Variants in RNF212B observed in about 807,000 individuals in gnomAD.
RNF212B encodes E3 ubiquitin-protein ligase RNF212B.
RNF212B carries 52 observed loss-of-function variants against 55.5 expected under a neutral mutation model. The observed-to-expected ratio is 0.94, with a 90% CI of 0.75 to 1.18. RNF212B has a LOEUF of 1.18. Ranked by LOEUF, RNF212B falls within the 50% of genes most tolerant of loss-of-function variation. The pLI is 0.00. For missense variants in RNF212B, 289 were observed against 350.4 expected (o/e 0.82, Z 1.40); for synonymous variants, 99 against 121.4 (o/e 0.82, Z 1.21).
chr14:23,207,312 T>C (rs1879943999), intron 2 of RNF212B, among the ~76,000 whole-genome samples: 1 of 152,174 alleles, frequency 6.6e-6, no homozygotes, highest in Non-Finnish European at 1.5e-5. Context: ...GGTCTCAGGC[T>C]GTAGACTGCT....
chr14:23,227,024 A>G (rs1423566374), intron 2 of RNF212B, among the ~76,000 whole-genome samples: 1 of 151,962 alleles, frequency 6.6e-6, no homozygotes, highest in Non-Finnish European at 1.5e-5. Context: ...AAAAATGAGT[A>G]TAAGTAAGAC....
In RNF212B at chr14:23,240,541, A is replaced by G. The variant is rs1313418250; in HGVS notation, c.100+96A>G. 9 of 716,534 alleles carry G rather than the reference A, an allele frequency of 1.3e-5. No individual in the cohort carries two copies. The East Asian group carries it at 2.2e-4, about 17-fold the overall frequency. 44.4% of individuals were successfully genotyped at this position (716,534 alleles called of 1,614,324 possible). ...CTATGTGTGACTTAGGATAAAAATCACTTATTAGGTCAATGGTGATAAAGA... is the reference window on the plus strand; with the variant it reads ...CTATGTGTGACTTAGGATAAAAATCGCTTATTAGGTCAATGGTGATAAAGA... On this transcript the variant is annotated intron_variant, in intron 2 of 14. Coordinates refer to ENST00000430154, the MANE Select transcript of RNF212B (RefSeq NM_001282322.3).
intron 2 of RNF212B, among the ~76,000 whole-genome samples, chr14:23,202,112 G>A (rs1027058237): frequency 3.3e-5 from 5 of 151,960 alleles, no homozygotes; most frequent in African/African-American, 4.8e-5. Context: ...TTAGCCAAGC[G>A]TGGTGGTGTG....
chr14:23,226,792 T>C (rs1882068480), intron 2 of RNF212B, among the ~76,000 whole-genome samples: 1 of 136,146 alleles, frequency 7.3e-6, no homozygotes, highest in Admixed American at 8.0e-5. Context: ...TTTTTTTTCC[T>C]TTCCTTCTTT....
chr14:23,273,395 A>G lies in RNF212B; in HGVS notation c.*504A>G, dbSNP rs1886253237. 6.6e-6 allele frequency: 1 copy of G among 152,350 alleles called. No homozygotes were observed. Among genetic ancestry groups the G allele is most frequent in the Non-Finnish European group, 1.5e-5 (1 of 68,218 alleles). 9.4% of individuals were successfully genotyped at this position (152,350 alleles called of 1,614,324 possible). On this transcript the variant is annotated 3_prime_UTR_variant, in exon 15 of 15. Coordinates refer to ENST00000430154, the MANE Select transcript of RNF212B (RefSeq NM_001282322.3). Reference sequence around the variant, plus strand: ...CTATTAAATGTTAATTTTCCTTTCTATTGAAAACAACTGTTGGAGACACTG... The same window carrying G: ...CTATTAAATGTTAATTTTCCTTTCTGTTGAAAACAACTGTTGGAGACACTG...
intron 2 of RNF212B, among the ~76,000 whole-genome samples, chr14:23,197,656 C>T (rs1350868087): frequency 6.6e-6 from 1 of 150,842 alleles, no homozygotes; most frequent in Non-Finnish European, 1.5e-5. Flanking sequence ...TCAAACATTC[C>T]CCAAAGGAGA....
intron 11 of RNF212B, among the ~76,000 whole-genome samples, chr14:23,267,951 T>C (rs1025506407): frequency 1.4e-4 from 21 of 152,258 alleles, no homozygotes; most frequent in African/African-American, 3.9e-4. Context: ...TTTAATGTAA[T>C]TACAGATAAG....
chr14:23,210,986 A>G (rs115949741), intron 2 of RNF212B, among the ~76,000 whole-genome samples: 5,938 of 151,564 alleles, frequency 0.039, 389 homozygotes, highest in African/African-American at 0.14. Flanking sequence ...TTGGGAGGCC[A>G]AGGTGGACAG....
At chr14:23,188,858 C>CT (rs759277522) in intron 1 of RNF212B, among the ~76,000 whole-genome samples, 4 of 152,194 alleles carry the variant, frequency 2.6e-5, no homozygotes, top group Non-Finnish European at 4.4e-5. Flanking sequence ...AAAATGGTGC[C>CT]TGGCACTCAA....
rs377144831 is a variant in RNF212B at position 23,200,086 on chromosome 14, C to T, written c.-2+6685C>T. ...TACTATCGTCTTGAAACATTTTTTTCTCTCTCTCTCTAGTTTCCCATTTTA... is the reference window on the plus strand; with the variant it reads ...TACTATCGTCTTGAAACATTTTTTTTTCTCTCTCTCTAGTTTCCCATTTTA... On this transcript the variant is annotated intron_variant, in intron 2 of 15. Transcript: ENST00000399910. Among the ~76,000 whole-genome samples, 129 of 147,732 alleles carry T rather than the reference C, an allele frequency of 8.7e-4. 2 individuals are homozygous for T. The highest frequency in any genetic ancestry group is 2.4e-3 in the African/African-American group (95 of 39,158).
upstream of RNF212B, among the ~76,000 whole-genome samples, chr14:23,235,124 A>C (rs1321951451): frequency 1.3e-5 from 2 of 152,082 alleles, no homozygotes; most frequent in African/African-American, 4.8e-5. Flanking sequence ...AGGCAGGAGA[A>C]TTGCTTGAAC....
At chr14:23,193,366 G>A (rs1041759389) in exon 2 of RNF212B, 2 of 152,248 alleles carry the variant, frequency 1.3e-5, no homozygotes, top group African/African-American at 2.4e-5. Context: ...AAGGGAATAA[G>A]TAAAGGAGGA....
At chr14:23,187,042 A>C (rs1025558572) in intron 1 of RNF212B, among the ~76,000 whole-genome samples, 9 of 151,860 alleles carry the variant, frequency 5.9e-5, no homozygotes, top group African/African-American at 1.9e-4. Flanking sequence ...CCCCCCCAAC[A>C]TTTGTCACCC....
chr14:23,189,332 T>C (rs1371598494), intron 1 of RNF212B, among the ~76,000 whole-genome samples: 1 of 152,164 alleles, frequency 6.6e-6, no homozygotes, highest in Non-Finnish European at 1.5e-5. Flanking sequence ...TTGAAATGAA[T>C]GTGCTGTCTG....
rs1228411271 is a variant in RNF212B, at chr14:23,272,882, T to A, written c.894T>A (p.Thr298=). Residue 298 remains threonine, a synonymous_variant, in exon 15 of 15, where the codon ACT becomes ACA. Coordinates refer to ENST00000430154, the MANE Select transcript of RNF212B (RefSeq NM_001282322.3). ...GLPSGREAWT[T]SR ...CCAGTGGGAGAGAAGCATGGACCAC[T>A]TCTAGATAGATCATCTTCAAGATCT... 6.5e-7 allele frequency: 1 copy of A among 1,534,890 alleles called. No homozygotes were observed. The highest frequency in any genetic ancestry group is 8.8e-7 in the Non-Finnish European group (1 of 1,136,370).
chr14:23,239,766 C>T (rs1363087255), intron 1 of RNF212B, among the ~76,000 whole-genome samples: 1 of 151,906 alleles, frequency 6.6e-6, no homozygotes, highest in Non-Finnish European at 1.5e-5. Flanking sequence ...TTACAGGTGC[C>T]TGCCACCATG....
chr14:23,213,369 A>T (rs1880742119), intron 2 of RNF212B, among the ~76,000 whole-genome samples: 1 of 152,100 alleles, frequency 6.6e-6, no homozygotes. Context: ...ACCTAAATAA[A>T]TGAAGAGATA....
In RNF212B at chr14:23,220,537, A is replaced by G. The variant is rs191304764; in HGVS notation, c.-1-19808A>G. Among the ~76,000 whole-genome samples the G allele has an allele frequency of 8.4e-3, 1,272 of 151,802 alleles. 6 individuals are homozygous for G. The highest frequency in any genetic ancestry group is 0.012 in the Non-Finnish European group (784 of 67,942). ...ACATAGCGAGACTCTGTCTCAAAAA[A>G]CAAAACAGCCGGGCTCGGTGGCTCA... On this transcript the variant is annotated intron_variant, in intron 2 of 15. Coordinates refer to the RNF212B transcript ENST00000399910.
chr14:23,228,186 C>T (rs562205645), intron 2 of RNF212B, among the ~76,000 whole-genome samples: 5 of 151,790 alleles, frequency 3.3e-5, no homozygotes, highest in Non-Finnish European at 7.4e-5. Context: ...GAGCTGAGAT[C>T]GTGCCATCAC....
Sources: allele counts gnomAD v4.1 joint callset (sites outside exome capture counted in the v4.1 genomes callset), GRCh38; gene constraint gnomAD v4.1.1; transcripts MANE v1.5; gene names NCBI Gene and HGNC (gene_info 2026-07-23, HGNC 2026-07-21).